RBFOX3: variants seen among roughly 807,000 people sequenced by gnomAD.
RBFOX3 encodes RNA binding protein fox-1 homolog 3.
RBFOX3 carries 17 observed loss-of-function variants against 48.7 expected under a neutral mutation model. That is an observed-to-expected ratio of 0.35 (90% CI 0.24 to 0.52). The LOEUF (loss-of-function observed/expected upper bound fraction) is 0.52. Among genes scored for constraint, RBFOX3 ranks in the 20% least tolerant of loss-of-function variants. The pLI, the probability that RBFOX3 is intolerant of heterozygous loss-of-function variation, is 0.94. For synonymous variants in RBFOX3, 212 were observed against 209.5 expected (o/e 1.01, Z -0.10); for missense variants, 382 against 497.5 (o/e 0.77, Z 2.21).
chr17:79,638,319 TTA>T, the RBFOX3 span, among the ~76,000 whole-genome samples: 73,003 of 135,432 alleles, frequency 0.54, 19,985 homozygotes, highest in Non-Finnish European at 0.62. Flanking sequence ...TTTTTTTTTT[TTA>T]AATAAAATAA....
intron 2 of RBFOX3, among the ~76,000 whole-genome samples, chr17:79,469,024 T>G (rs1183422036): frequency 1.3e-5 from 2 of 151,988 alleles, no homozygotes; most frequent in East Asian, 3.8e-4. Flanking sequence ...GGAGGATGGA[T>G]GGATGGATAG....
intron 1 of RBFOX3, among the ~76,000 whole-genome samples, chr17:79,544,272 G>A (rs552311329): frequency 4.6e-5 from 7 of 152,232 alleles, no homozygotes; most frequent in East Asian, 1.9e-4. Context: ...TCTATACAAC[G>A]GAAAAGTACC....
At chr17:79,620,265 G>GGACA in the RBFOX3 span, among the ~76,000 whole-genome samples, 1 of 132,020 alleles carries the variant, frequency 7.6e-6, no homozygotes, top group African/African-American at 2.9e-5. Flanking sequence ...GCACACACAC[G>GGACA]TGCACACATA....
At chr17:79,638,538 G>A in the RBFOX3 span, among the ~76,000 whole-genome samples, 1 of 152,132 alleles carries the variant, frequency 6.6e-6, no homozygotes, top group Non-Finnish European at 1.5e-5. Context: ...ACTGAGTCAG[G>A]AAGAAATAGA....
chr17:79,228,019 G>C (rs967866177), intron 4 of RBFOX3, among the ~76,000 whole-genome samples: 5 of 152,210 alleles, frequency 3.3e-5, no homozygotes, highest in African/African-American at 1.2e-4. Context: ...AAGGCCTGCA[G>C]GGTCAGAAGG....
rs2078172451 is a variant in RBFOX3 at position 79,477,902 on chromosome 17, G to A, written c.-175+4552C>T. 6.6e-6 allele frequency among the ~76,000 whole-genome samples: 1 copy of A among 152,212 alleles called. No homozygotes were observed. Reference sequence around the variant, plus strand: ...AGGAAATAAGATGCCCCTGTAGGAAGGAGAGACCCCAGCAACGTCCTTCAG... The same window carrying A: ...AGGAAATAAGATGCCCCTGTAGGAAAGAGAGACCCCAGCAACGTCCTTCAG... On this transcript the variant is annotated intron_variant, in intron 2 of 14. Transcript: ENST00000693108. The surrounding 1 kb of genome is among the most constrained non-coding windows in gnomAD (Gnocchi z 4.8).
At chr17:79,539,053 A>T (rs889705618) in intron 1 of RBFOX3, among the ~76,000 whole-genome samples, 4 of 152,154 alleles carry the variant, frequency 2.6e-5, no homozygotes, top group Admixed American at 2.0e-4. Context: ...TAGACTGAAA[A>T]ATAAGGACTA....
intron 4 of RBFOX3, among the ~76,000 whole-genome samples, chr17:79,168,063 C>T (rs1217675382): frequency 6.6e-6 from 1 of 152,186 alleles, no homozygotes; most frequent in East Asian, 1.9e-4. Context: ...GTGGTTGGCA[C>T]TTTATTTACG....
chr17:79,292,476 A>T (rs1175853087), intron 3 of RBFOX3, among the ~76,000 whole-genome samples: 1 of 152,094 alleles, frequency 6.6e-6, no homozygotes, highest in Non-Finnish European at 1.5e-5. Context: ...GGCACATGGA[A>T]GGTTCTCAAT....
intron 4 of RBFOX3, among the ~76,000 whole-genome samples, chr17:79,177,437 G>C (rs557810631): frequency 6.6e-6 from 1 of 152,202 alleles, no homozygotes; most frequent in Non-Finnish European, 1.5e-5. Flanking sequence ...CTGGAGAGGA[G>C]AGGCGGGAGG....
chr17:79,288,814 C>T (rs911238490), intron 3 of RBFOX3, among the ~76,000 whole-genome samples: 3 of 152,102 alleles, frequency 2.0e-5, no homozygotes, highest in Non-Finnish European at 4.4e-5. Flanking sequence ...CCCCAATAAC[C>T]TCTCTGATTT....
rs2078735851 is a variant in RBFOX3, at chr17:79,481,246, G to T, written c.-175+1208C>A. Among the ~76,000 whole-genome samples, 1 of 152,196 alleles carries T rather than the reference G, an allele frequency of 6.6e-6. No homozygotes were observed. Among genetic ancestry groups the T allele is most frequent in the Non-Finnish European group, 1.5e-5 (1 of 68,036 alleles). Reference sequence around the variant, plus strand: ...GCATCATCTGCTCAGCCTACAGTGGGTCATCATGCAAAGCCTGCCTGCAGG... The same window carrying T: ...GCATCATCTGCTCAGCCTACAGTGGTTCATCATGCAAAGCCTGCCTGCAGG... On this transcript the variant is annotated intron_variant, in intron 2 of 14. Transcript: ENST00000693108. This position sits in a 1 kb window ranked among gnomAD's most constrained non-coding sequence, Gnocchi z 5.4.
chr17:79,623,436 T>C, the RBFOX3 span, among the ~76,000 whole-genome samples: 3 of 152,012 alleles, frequency 2.0e-5, no homozygotes, highest in African/African-American at 7.2e-5. Context: ...CCAGATGGGA[T>C]TGGGGTTGCT....
At chr17:79,495,671 CAT>C in intron 1 of RBFOX3, among the ~76,000 whole-genome samples, 1 of 111,368 alleles carries the variant, frequency 9.0e-6, no homozygotes, top group East Asian at 2.5e-4. Flanking sequence ...GAATGGAATG[CAT>C]GGGACAGGCA....
chr17:79,529,286 TC>T (rs2087312370), intron 1 of RBFOX3, among the ~76,000 whole-genome samples: 2 of 151,964 alleles, frequency 1.3e-5, no homozygotes, highest in African/African-American at 4.8e-5. Flanking sequence ...GGTTGACCCA[TC>T]CCCCCACCGC....
chr17:79,106,994 C>T (rs1484970987), intron 5 of RBFOX3, among the ~76,000 whole-genome samples: 2 of 152,210 alleles, frequency 1.3e-5, no homozygotes, highest in African/African-American at 4.8e-5. Context: ...AGAGAGGCCC[C>T]ACCTCTAGGC....
intron 3 of RBFOX3, among the ~76,000 whole-genome samples, chr17:79,263,654 C>G (rs549726392): frequency 1.6e-3 from 251 of 152,212 alleles, no homozygotes; most frequent in Non-Finnish European, 2.8e-3. Context: ...CACCACACCC[C>G]CTCTGCCCCG....
In RBFOX3 at chr17:79,205,635, A is replaced by G. The variant is rs1353726421; in HGVS notation, c.-34+30131T>C. ...CTATCCTTGTTCAATTCACCTACAAAACAGAACCCTACAAAAACCAGATGA... is the reference window on the plus strand; with the variant it reads ...CTATCCTTGTTCAATTCACCTACAAGACAGAACCCTACAAAAACCAGATGA... On this transcript the variant is annotated intron_variant, in intron 4 of 14. Coordinates refer to ENST00000693108, the MANE Select transcript of RBFOX3 (RefSeq NM_001350451.2). The surrounding 1 kb of genome is among the most constrained non-coding windows in gnomAD (Gnocchi z 4.5). Among the ~76,000 whole-genome samples the G allele has an allele frequency of 6.6e-6, 1 of 152,154 alleles. No individual in the cohort carries two copies. Among genetic ancestry groups the G allele is most frequent in the Non-Finnish European group, 1.5e-5 (1 of 68,028 alleles).
rs1231723518 is a variant in RBFOX3, at chr17:79,093,826, CAGAG to C, written c.1077+621_1077+624del. Reference sequence around the variant, plus strand: ...ACACACACACACACACACACACACACAGAGACACGCCACGCCGCGCACCTCCCCG... The same window carrying C: ...ACACACACACACACACACACACACACACACGCCACGCCGCGCACCTCCCCG... On this transcript the variant is annotated intron_variant, in intron 14 of 14. Transcript: ENST00000693108. Among the ~76,000 whole-genome samples the C allele has an allele frequency of 3.2e-4, 47 of 147,350 alleles. 1 individual carries two copies. In the South Asian group the frequency reaches 8.0e-3, roughly 25 times the overall value.
Sources: gnomAD v4.1 joint callset for allele counts (sites outside exome capture counted in the v4.1 genomes callset) on GRCh38, gnomAD v4.1.1 for gene constraint, Gnocchi (gnomAD v3.1) non-coding constraint, MANE v1.5 for transcripts, NCBI Gene and HGNC (gene_info 2026-07-23, HGNC 2026-07-21) for gene names.